WDR27: variants seen among roughly 807,000 people sequenced by gnomAD.
WDR27 encodes the protein WD repeat-containing protein 27.
WDR27 carries 100 observed loss-of-function variants against 114.4 expected under a neutral mutation model. That is an observed-to-expected ratio of 0.87 (90% CI 0.74 to 1.03). WDR27 has a LOEUF of 1.03. Among genes scored for constraint, WDR27 ranks in the 50% least tolerant of loss-of-function variants. WDR27 has a pLI of 0.00. For synonymous variants in WDR27, 449 were observed against 423.1 expected, an observed-to-expected ratio of 1.06 and a Z score of -0.75; for missense variants, 1,129 against 1,092.9, an observed-to-expected ratio of 1.03 and a Z score of -0.47.
intron 22 of WDR27, among the ~76,000 whole-genome samples, chr6:169,611,739 T>G (rs1195987745): frequency 6.6e-6 from 1 of 152,220 alleles, no homozygotes; most frequent in African/African-American, 2.4e-5. Context: ...TAGGCCTGCA[T>G]GGAGTCGGGA....
intron 1 of WDR27, among the ~76,000 whole-genome samples, chr6:169,700,757 AT>A (rs1562968362): frequency 6.6e-6 from 1 of 152,216 alleles, no homozygotes; most frequent in East Asian, 1.9e-4. Flanking sequence ...ATTGTTTAAC[AT>A]TTTTTTGAAT....
intron 25 of WDR27, among the ~76,000 whole-genome samples, chr6:169,567,176 G>T (rs1459064270): frequency 6.6e-6 from 1 of 152,182 alleles, no homozygotes; most frequent in Non-Finnish European, 1.5e-5. Context: ...GTGCTGCTGG[G>T]GAGGACCCGG....
intron 23 of WDR27, among the ~76,000 whole-genome samples, chr6:169,592,612 A>G (rs2128156696): frequency 6.6e-6 from 1 of 152,360 alleles, no homozygotes; most frequent in Non-Finnish European, 1.5e-5. Context: ...TTTTCCAGAT[A>G]TGCAATCTTG....
chr6:169,602,842 T>C (rs956625472), intron 22 of WDR27, among the ~76,000 whole-genome samples: 2 of 151,676 alleles, frequency 1.3e-5, no homozygotes, highest in South Asian at 2.1e-4. Flanking sequence ...TTTTTTTTTT[T>C]CTTTTTTTTT....
At chr6:169,633,740 G>A (rs143587131) in intron 20 of WDR27, among the ~76,000 whole-genome samples, 29 of 152,282 alleles carry the variant, frequency 1.9e-4, no homozygotes, top group African/African-American at 5.5e-4. Flanking sequence ...TAGTACTCTC[G>A]TATTCCAGAA....
intron 25 of WDR27, among the ~76,000 whole-genome samples, chr6:169,507,499 C>T (rs1205394768): frequency 6.6e-6 from 1 of 152,140 alleles, no homozygotes; most frequent in East Asian, 1.9e-4. Context: ...CATATTGTAA[C>T]CTGGAGCATA....
Position 169,596,676 on chromosome 6 carries a change from T to C in WDR27, c.2424+5543A>G, listed in dbSNP as rs144375284. Among the ~76,000 whole-genome samples, 322 of 152,112 alleles carry C rather than the reference T, an allele frequency of 2.1e-3. 1 individual carries two copies. The highest frequency in any genetic ancestry group is 3.7e-3 in the Non-Finnish European group (251 of 67,936). On this transcript the variant is annotated intron_variant, in intron 23 of 25. Transcript: ENST00000448612. ...TGTATGACACAGAAATCAGGAGATA[T>C]AGAAAAAAATAGAGAGAGAAGATAG...
chr6:169,634,336 G>T lies in WDR27; in HGVS notation c.2101+92C>A, dbSNP rs990758533. On this transcript the variant is annotated intron_variant, in intron 20 of 25. Transcript: ENST00000448612. ...CTGCATTCCCGGAGCCCCACACAATGCCTGACACTCACGAGATGCTCAGCA... is the reference window on the plus strand; with the variant it reads ...CTGCATTCCCGGAGCCCCACACAATTCCTGACACTCACGAGATGCTCAGCA... 24 of 885,970 alleles carry T rather than the reference G, an allele frequency of 2.7e-5. No individual in the cohort carries two copies. In the African/African-American group the frequency reaches 4.1e-4, roughly 15 times the overall value. The allele number at this position is 885,970 out of a possible 1,614,324, so 54.9% of individuals were successfully genotyped here. A position where few individuals can be genotyped will look rare whatever the true frequency, so the allele number is the denominator to read the frequency against.
chr6:169,645,052 A>G (rs1385230537), intron 16 of WDR27, among the ~76,000 whole-genome samples: 1 of 58,598 alleles, frequency 1.7e-5, no homozygotes, highest in Non-Finnish European at 3.0e-5. Context: ...AAAAAAAAAA[A>G]AAAAAAGAAA....
intron 25 of WDR27, among the ~76,000 whole-genome samples, chr6:169,562,149 T>C (rs73790004): frequency 0.016 from 2,464 of 152,186 alleles, 61 homozygotes; most frequent in African/African-American, 0.057. Flanking sequence ...GACAAACACA[T>C]ACCACATAAG....
chr6:169,577,970 T>A (rs897446555), intron 24 of WDR27, among the ~76,000 whole-genome samples: 3 of 152,130 alleles, frequency 2.0e-5, no homozygotes, highest in African/African-American at 7.2e-5. Flanking sequence ...CACAACTGAG[T>A]GAGCCAATTC....
chr6:169,524,343 A>C (rs997464601), intron 25 of WDR27, among the ~76,000 whole-genome samples: 3 of 152,166 alleles, frequency 2.0e-5, no homozygotes, highest in Admixed American at 2.0e-4. Flanking sequence ...AATATTGTTA[A>C]AATAATTCTA....
chr6:169,699,850 T>G (rs1015828601), intron 1 of WDR27, among the ~76,000 whole-genome samples: 1 of 150,846 alleles, frequency 6.6e-6, no homozygotes, highest in South Asian at 2.1e-4. Flanking sequence ...GGTGTGGCAG[T>G]GCATGCTTGT....
chr6:169,448,461 TGAG>T, the WDR27 span, among the ~76,000 whole-genome samples: 1 of 151,898 alleles, frequency 6.6e-6, no homozygotes, highest in African/African-American at 2.4e-5. Flanking sequence ...CAGATACAGT[TGAG>T]GTGCATAAAG....
At chr6:169,672,707 A>G (rs1779065466) in intron 2 of WDR27, among the ~76,000 whole-genome samples, 1 of 152,204 alleles carries the variant, frequency 6.6e-6, no homozygotes, top group Non-Finnish European at 1.5e-5. Context: ...AAGAGGTAAC[A>G]GCTGAGCTGA....
chr6:169,633,499 G>C (rs1245942718), intron 20 of WDR27, among the ~76,000 whole-genome samples: 1 of 152,208 alleles, frequency 6.6e-6, no homozygotes, highest in Non-Finnish European at 1.5e-5. Flanking sequence ...GCTTCACGAT[G>C]GGAGACACAA....
chr6:169,583,502 T>C lies in WDR27; in HGVS notation c.2425-568A>G, dbSNP rs1285034688. On this transcript the variant is annotated intron_variant, in intron 23 of 25. Transcript: ENST00000448612. The stretch of plus-strand genomic sequence containing the variant: ...GTGTATATATACATATATATATATA[T>C]ATGTATATATACACACACACACACA... 4.3e-3 allele frequency among the ~76,000 whole-genome samples: 292 copies of C among 67,400 alleles called. 1 individual carries two copies. The highest frequency in any genetic ancestry group is 0.012 in the African/African-American group (279 of 23,648). 44.2% of individuals were successfully genotyped at this position (67,400 alleles called of 152,430 possible). A position where few individuals can be genotyped will look rare whatever the true frequency, so the allele number is the denominator to read the frequency against.
At chr6:169,518,275 C>G (rs1039953919) in intron 25 of WDR27, among the ~76,000 whole-genome samples, 5 of 152,250 alleles carry the variant, frequency 3.3e-5, no homozygotes, top group Admixed American at 2.6e-4. Flanking sequence ...GTGGGTCTAG[C>G]AACCCTGAAT....
chr6:169,536,726 C>T (rs1401100836), intron 25 of WDR27, among the ~76,000 whole-genome samples: 1 of 152,116 alleles, frequency 6.6e-6, no homozygotes, highest in Non-Finnish European at 1.5e-5. Flanking sequence ...CCAGAAATCT[C>T]ACCTAGGACC....
Sources: gnomAD v4.1 joint callset for allele counts (sites outside exome capture counted in the v4.1 genomes callset) on GRCh38, gnomAD v4.1.1 for gene constraint, MANE v1.5 for transcripts, NCBI Gene and HGNC (gene_info 2026-07-23, HGNC 2026-07-21) for gene names.